The following IL31RA variants were observed in gnomAD, a reference collection of about 807,000 sequenced individuals.
The protein encoded by IL31RA is interleukin-31 receptor subunit alpha.
IL31RA carries 66 observed loss-of-function variants against 83.7 expected under a neutral mutation model. The ratio of observed to expected loss-of-function variants is 0.79; its 90% CI spans 0.65 to 0.97. IL31RA has a LOEUF of 0.97. Among genes scored for constraint, IL31RA ranks in the 50% least tolerant of loss-of-function variants. IL31RA has a pLI of 0.00. For missense variants in IL31RA, 798 were observed against 919.4 expected (o/e 0.87, Z 1.71); for synonymous variants, 325 against 329.0 (o/e 0.99, Z 0.13).
At chr5:55,890,236 A>C in intron 6 of IL31RA, 101 bp downstream of exon 6, 1 of 1,219,766 alleles carries the variant, frequency 8.2e-7, no homozygotes, top group Non-Finnish European at 1.2e-6. Flanking sequence ...GAATCATGGA[A>C]TCTCATGACC....
chr5:55,897,699 G>A (rs183206959), intron 7 of IL31RA, among the ~76,000 whole-genome samples: 2 of 152,174 alleles, frequency 1.3e-5, no homozygotes, highest in East Asian at 1.9e-4. Context: ...ACCTGAGAGA[G>A]GGAAGTGAGA....
At chr5:55,864,178 C>T (rs1318974214) in intron 2 of IL31RA, among the ~76,000 whole-genome samples, 2 of 152,066 alleles carry the variant, frequency 1.3e-5, no homozygotes, top group South Asian at 2.1e-4. Context: ...AATCCTCCGG[C>T]GAGTTAGTGT....
rs767088772 is a variant in IL31RA at position 55,906,294 on chromosome 5, C to T, written c.1252+6C>T. ...GAACTGGACGATCCAGCAAGGTAGC[C>T]AGGGCGGAACTCACAGGTTCCCTCA... On this transcript the variant is annotated splice_donor_region_variant and intron_variant, in intron 9 of 14. Coordinates refer to ENST00000652347, the MANE Select transcript of IL31RA (RefSeq NM_139017.7). 18 of 1,613,544 alleles carry T rather than the reference C, an allele frequency of 1.1e-5. 1 individual carries two copies. The South Asian group carries it at 2.0e-4, about 18-fold the overall frequency.
At chr5:55,845,562 C>T in the IL31RA span, among the ~76,000 whole-genome samples, 4 of 152,112 alleles carry the variant, frequency 2.6e-5, no homozygotes, top group South Asian at 2.1e-4. Flanking sequence ...ATTTCCCCCA[C>T]GCTGTTCTCA....
chr5:55,852,006 T>A (rs139938829), intron 1 of IL31RA, among the ~76,000 whole-genome samples: 34 of 152,334 alleles, frequency 2.2e-4, no homozygotes, highest in African/African-American at 7.9e-4. Flanking sequence ...ATTGGTCTTG[T>A]CTTAACCAGA....
At chr5:55,865,380 C>A (rs553734216) in intron 2 of IL31RA, among the ~76,000 whole-genome samples, 1 of 152,056 alleles carries the variant, frequency 6.6e-6, no homozygotes, top group Non-Finnish European at 1.5e-5. Context: ...CTGGAGAGAG[C>A]GAGAAAAGTT....
chr5:55,852,516 T>G lies in IL31RA; in HGVS notation c.63+883T>G, dbSNP rs184569045. 9.3e-4 allele frequency among the ~76,000 whole-genome samples: 142 copies of G among 152,332 alleles called. 1 individual carries two copies. Among genetic ancestry groups the G allele is most frequent in the African/African-American group, 3.2e-3 (131 of 41,574 alleles). ...AATTATAATCTTCTAGGTAAAAGAC[T>G]AGCTCTCTTTCTCACCCTTATTCCT... is the stretch of plus-strand genomic sequence containing the variant. On this transcript the variant is annotated intron_variant, in intron 1 of 14. Coordinates refer to ENST00000652347, the MANE Select transcript of IL31RA (RefSeq NM_139017.7).
the IL31RA span, chr5:55,840,057 C>A: frequency 2.5e-6 from 1 of 399,106 alleles, no homozygotes; most frequent in Non-Finnish European, 4.8e-6. Context: ...TCAAAACAGA[C>A]CAGACACCTG....
upstream of IL31RA, among the ~76,000 whole-genome samples, chr5:55,851,198 C>T: frequency 6.6e-6 from 1 of 152,074 alleles, no homozygotes; most frequent in East Asian, 1.9e-4. Flanking sequence ...TTTTTGTCAG[C>T]TAATCAATAC....
chr5:55,841,510 G>A, the IL31RA span, among the ~76,000 whole-genome samples: 7 of 152,174 alleles, frequency 4.6e-5, no homozygotes, highest in South Asian at 1.5e-3. Flanking sequence ...AATACAACAG[G>A]GTCTCTTGTG....
intron 8 of IL31RA, 36 bp downstream of exon 8, chr5:55,900,168 G>A (rs1401647933): frequency 6.8e-7 from 1 of 1,476,400 alleles, no homozygotes; most frequent in Non-Finnish European, 9.5e-7. Context: ...TAGGTGCCTG[G>A]TCCCATCAAT....
intron 2 of IL31RA, among the ~76,000 whole-genome samples, chr5:55,863,291 A>C (rs1379627374): frequency 6.6e-6 from 1 of 152,246 alleles, no homozygotes; most frequent in Non-Finnish European, 1.5e-5. Flanking sequence ...CAAGTCTGAG[A>C]ATACTGGAGA....
upstream of IL31RA, among the ~76,000 whole-genome samples, chr5:55,847,616 C>T (rs1044357073): frequency 1.1e-4 from 16 of 152,238 alleles, no homozygotes; most frequent in African/African-American, 3.9e-4. Context: ...ATGCAGAGTT[C>T]CTGAATACCC....
At chr5:55,865,448 C>T (rs555779399) in intron 2 of IL31RA, among the ~76,000 whole-genome samples, 1 of 152,182 alleles carries the variant, frequency 6.6e-6, no homozygotes, top group African/African-American at 2.4e-5. Flanking sequence ...CTCAGTGGCT[C>T]CTTTACCCAT....
At chr5:55,878,720 C>T (rs1445902904) in intron 4 of IL31RA, among the ~76,000 whole-genome samples, 5 of 152,034 alleles carry the variant, frequency 3.3e-5, no homozygotes, top group Non-Finnish European at 7.4e-5. Flanking sequence ...GTGATGCCAT[C>T]ATAGCTCATG....
chr5:55,907,394 G>A lies in IL31RA; in HGVS notation c.1288G>A (p.Val430Met). 1 of 1,613,612 alleles carries A rather than the reference G, an allele frequency of 6.2e-7. No homozygotes were observed. Among genetic ancestry groups the A allele is most frequent in the Non-Finnish European group, 8.5e-7 (1 of 1,179,662 alleles). Residue 430 changes from valine (V) to methionine (M), a missense_variant, in exon 10 of 15, where the codon GTG becomes ATG. Coordinates refer to ENST00000652347, the MANE Select transcript of IL31RA (RefSeq NM_139017.7). The stretch of plus-strand genomic sequence containing the variant: ...ACCTTTCTGGTGCTATAACATCTCT[G>A]TGTATCCAATGTTGCATGACAAAGT... ...LKPFWCYNIS[V>M]YPMLHDKVGE...
chr5:55,897,119 G>C (rs1294930944), intron 7 of IL31RA, among the ~76,000 whole-genome samples: 1 of 136,754 alleles, frequency 7.3e-6, no homozygotes, highest in Admixed American at 7.5e-5. Context: ...CAAAGCATTG[G>C]GATTATAAGC....
intron 2 of IL31RA, chr5:55,866,693 T>G (rs1365879945): frequency 1.3e-5 from 2 of 152,456 alleles, no homozygotes; most frequent in Non-Finnish European, 2.9e-5. Context: ...CCCCCGGACT[T>G]GCTGTACCTG....
rs1369076283 is a variant in IL31RA, at chr5:55,917,351, T to C, written c.*231T>C. The C allele has an allele frequency of 7.9e-6, 11 of 1,397,044 alleles. No individual in the cohort carries two copies. In the East Asian group the frequency reaches 2.8e-4, roughly 35 times the overall value. The allele number at this position is 1,397,044 out of a possible 1,614,324, so 86.5% of individuals were successfully genotyped here. A position where few individuals can be genotyped will look rare whatever the true frequency, so the allele number is the denominator to read the frequency against. On this transcript the variant is annotated 3_prime_UTR_variant, in exon 15 of 15. Transcript: ENST00000652347. The stretch of plus-strand genomic sequence containing the variant: ...TTTGTAAAGGAACAGCAGTCTCTTT[T>C]CGTTTGTTCAGATACCAAGCTCTCA...
Sources: gnomAD v4.1 joint callset for allele counts (sites outside exome capture counted in the v4.1 genomes callset) on GRCh38, gnomAD v4.1.1 for gene constraint, MANE v1.5 for transcripts, NCBI Gene and HGNC (gene_info 2026-07-23, HGNC 2026-07-21) for gene names.